SQSTM1: variants seen among roughly 807,000 people sequenced by gnomAD.
The protein encoded by SQSTM1 is sequestosome-1.
Under a neutral mutation model 45.1 loss-of-function variants are expected in SQSTM1, and 36 were observed. The ratio of observed to expected loss-of-function variants is 0.80; its 90% CI spans 0.61 to 1.05. The LOEUF is 1.05. Ranked by LOEUF, SQSTM1 falls within the 50% of genes least tolerant of loss-of-function variation. The pLI, the probability that SQSTM1 is intolerant of heterozygous loss-of-function variation, is 0.00. For missense variants in SQSTM1, 617 were observed against 607.1 expected, an observed-to-expected ratio of 1.02 and a Z score of -0.17; for synonymous variants, 290 against 244.3, an observed-to-expected ratio of 1.19 and a Z score of -1.74.
chr5:179,836,866 T>A lies in SQSTM1; in HGVS notation c.*273T>A. 1.6e-6 allele frequency: 1 copy of A among 619,366 alleles called. No individual in the cohort carries two copies. The highest frequency in any genetic ancestry group is 2.8e-6 in the Non-Finnish European group (1 of 351,356). The allele number at this position is 619,366 out of a possible 1,614,324, so 38.4% of individuals were successfully genotyped here. A position where few individuals can be genotyped will look rare whatever the true frequency, so the allele number is the denominator to read the frequency against. On this transcript the variant is annotated 3_prime_UTR_variant, in exon 8 of 8. Coordinates refer to ENST00000389805, the MANE Select transcript of SQSTM1 (RefSeq NM_003900.5). ...CTCACTGCAGCGCGCTCCTGACCCC[T>A]CCCTGCAGGGGCTACGTTAGCAGCC...
intron 1 of SQSTM1, among the ~76,000 whole-genome samples, chr5:179,810,862 G>A (rs943133482): frequency 6.6e-6 from 1 of 152,104 alleles, no homozygotes; most frequent in Admixed American, 6.5e-5. Flanking sequence ...TTCTCTGATG[G>A]CCAGTGATGC....
Position 179,833,215 on chromosome 5 carries a change from A to G in SQSTM1, c.938A>G (p.Lys313Arg), listed in dbSNP as rs1460912506. The G allele has an allele frequency of 1.2e-6, 2 of 1,606,778 alleles. No homozygotes were observed. The highest frequency in any genetic ancestry group is 1.3e-5 in the African/African-American group (1 of 74,796). ...CAGTCTCTGGCGGAGCAGATGAGGAAGATCGCCTTGGAGTCCGAGGGGCGC... is the reference window on the plus strand; with the variant it reads ...CAGTCTCTGGCGGAGCAGATGAGGAGGATCGCCTTGGAGTCCGAGGGGCGC... ...ATQSLAEQMR[K>R]IALESEGRPE... is the part of the protein sequence containing the mutation. The change falls in exon 6 of 8, where the codon AAG becomes AGG. Residue 313 changes from lysine to arginine, a missense_variant. Coordinates refer to ENST00000389805, the MANE Select transcript of SQSTM1 (RefSeq NM_003900.5).
At chr5:179,827,563 C>T (rs1180505250) in intron 5 of SQSTM1, among the ~76,000 whole-genome samples, 1 of 152,194 alleles carries the variant, frequency 6.6e-6, no homozygotes, top group Admixed American at 6.5e-5. Flanking sequence ...GGATTACAGG[C>T]GTGAGCCACT....
At chr5:179,815,813 C>A (rs77286378), upstream of SQSTM1, among the ~76,000 whole-genome samples, 1 of 152,164 alleles carries the variant, frequency 6.6e-6, no homozygotes, top group Non-Finnish European at 1.5e-5. Context: ...CCACAGATGA[C>A]CCCACGCCTT....
Position 179,837,202 on chromosome 5 carries a change from A to T in SQSTM1, c.*609A>T, listed in dbSNP as rs1240239884. ...TTTAAAATAAGATCTCTTTGTAGCC[A>T]TCCTGTTAAATTTGTAAACAATCTA... On this transcript the variant is annotated 3_prime_UTR_variant, in exon 8 of 8. Transcript: ENST00000389805. 4 of 1,562,526 alleles carry T rather than the reference A, an allele frequency of 2.6e-6. No individual in the cohort carries two copies. Among genetic ancestry groups the T allele is most frequent in the Admixed American group, 1.9e-5 (1 of 53,362 alleles).
chr5:179,829,024 C>G (rs562312229), intron 5 of SQSTM1, among the ~76,000 whole-genome samples: 226 of 151,828 alleles, frequency 1.5e-3, no homozygotes, highest in South Asian at 0.012. Context: ...GATCGGGGGA[C>G]AGGAACAAGG....
At chr5:179,832,053 G>T (rs1758251873) in intron 5 of SQSTM1, among the ~76,000 whole-genome samples, 1 of 152,216 alleles carries the variant, frequency 6.6e-6, no homozygotes, top group African/African-American at 2.4e-5. Flanking sequence ...AAAGTGCTGG[G>T]ATTACAGGCG....
At chr5:179,825,492 T>A (rs1561599247) in intron 5 of SQSTM1, among the ~76,000 whole-genome samples, 1 of 152,236 alleles carries the variant, frequency 6.6e-6, no homozygotes, top group African/African-American at 2.4e-5. Context: ...GTGACCAGAC[T>A]GTGGTTGCAG....
chr5:179,810,365 G>A lies in SQSTM1; in HGVS notation c.-156-1209G>A, dbSNP rs905410614. On this transcript the variant is annotated intron_variant, in intron 1 of 5. Transcript: ENST00000514093. Reference sequence around the variant, plus strand: ...TTCCCACCTATGAGTGAGAACATGCGGTGTTTGGTTTTCTGTCCTTGTGAT... The same window carrying A: ...TTCCCACCTATGAGTGAGAACATGCAGTGTTTGGTTTTCTGTCCTTGTGAT... Among the ~76,000 whole-genome samples, 4 of 152,082 alleles carry A rather than the reference G, an allele frequency of 2.6e-5. 1 individual carries two copies. The highest frequency in any genetic ancestry group is 1.3e-4 in the Admixed American group (2 of 15,276).
chr5:179,809,325 A>ATTTTTTTTTTT (rs71001049), intron 1 of SQSTM1, among the ~76,000 whole-genome samples: 1 of 41,080 alleles, frequency 2.4e-5, no homozygotes, highest in African/African-American at 1.1e-4. Flanking sequence ...CGCCTGGCTA[A>ATTTTTTTTTTT]TTTTTTTTTT....
chr5:179,833,317 C>A, intron 6 of SQSTM1, 71 bp downstream of exon 6: 1 of 1,400,022 alleles, frequency 7.1e-7, no homozygotes, highest in African/African-American at 1.4e-5. Context: ...ACCTCCGCCT[C>A]ATCCTCAGCA....
chr5:179,832,015 T>C lies in SQSTM1; in HGVS notation c.755-1017T>C, dbSNP rs544742530. On this transcript the variant is annotated intron_variant, in intron 5 of 7. Transcript: ENST00000389805. ...AGCCAGGGTAGTCTCGATCTCCTGA[T>C]CTCGTGATCCGCCCGCCTCGGCCTC... Among the ~76,000 whole-genome samples, 7 of 152,192 alleles carry C rather than the reference T, an allele frequency of 4.6e-5. No homozygotes were observed. In the South Asian group the frequency reaches 6.2e-4, roughly 14 times the overall value.
chr5:179,822,854 T>C (rs1344187146), intron 1 of SQSTM1, 104 bp from the exon 2 acceptor site: 1 of 946,108 alleles, frequency 1.1e-6, no homozygotes, highest in South Asian at 1.4e-5. Flanking sequence ...TGTTTGTTTA[T>C]AGCCCTGTGA....
chr5:179,808,715 G>C (rs931831315), intron 1 of SQSTM1, among the ~76,000 whole-genome samples: 5 of 152,138 alleles, frequency 3.3e-5, no homozygotes, highest in Non-Finnish European at 5.9e-5. Context: ...CACTCTGAGA[G>C]GCTAAGGCAG....
At chr5:179,811,815 G>A (rs1042388487) in intron 2 of SQSTM1, 1 of 152,236 alleles carries the variant, frequency 6.6e-6, no homozygotes, top group African/African-American at 2.4e-5. Context: ...CTTACTTCTG[G>A]ACGGATGGGC....
At chr5:179,826,598 G>GTTTTTTTTTTTTTTT (rs549477595) in intron 5 of SQSTM1, among the ~76,000 whole-genome samples, 4 of 142,252 alleles carry the variant, frequency 2.8e-5, no homozygotes, top group Non-Finnish European at 4.6e-5. Flanking sequence ...TCGCTAGTCT[G>GTTTTTTTTTTTTTTT]TTTTTTTTTT....
intron 7 of SQSTM1, chr5:179,836,157 T>C (rs1582029084): frequency 1.8e-6 from 1 of 561,022 alleles, no homozygotes; most frequent in Non-Finnish European, 3.2e-6. Context: ...AATCAAAAGA[T>C]GTGACAGGTG....
In SQSTM1 at chr5:179,837,974, C is replaced by T; in HGVS notation, c.*1381C>T. On this transcript the variant is annotated 3_prime_UTR_variant, in exon 8 of 8. Coordinates refer to ENST00000389805, the MANE Select transcript of SQSTM1 (RefSeq NM_003900.5). Reference sequence around the variant, plus strand: ...CTGCCCTGCCTGGGCCTTGGCTGGGCCTCTGGTTCTGACACTTTCTGCTGG... The same window carrying T: ...CTGCCCTGCCTGGGCCTTGGCTGGGTCTCTGGTTCTGACACTTTCTGCTGG... 7.6e-7 allele frequency: 1 copy of T among 1,310,032 alleles called. No individual in the cohort carries two copies. The highest frequency in any genetic ancestry group is 2.3e-5 in the East Asian group (1 of 42,596). The allele number at this position is 1,310,032 out of a possible 1,614,324, so 81.2% of individuals were successfully genotyped here. A position where few individuals can be genotyped will look rare whatever the true frequency, so the allele number is the denominator to read the frequency against.
chr5:179,825,852 GC>G (rs1169392251), intron 5 of SQSTM1, among the ~76,000 whole-genome samples: 2 of 152,134 alleles, frequency 1.3e-5, no homozygotes, highest in African/African-American at 4.8e-5. Context: ...AGTGCCTGTT[GC>G]GTCTGGCTAA....
Sources: gnomAD v4.1 joint callset for allele counts (sites outside exome capture counted in the v4.1 genomes callset) on GRCh38, gnomAD v4.1.1 for gene constraint, MANE v1.5 for transcripts, NCBI Gene and HGNC (gene_info 2026-07-23, HGNC 2026-07-21) for gene names.